TEX11: variants seen among roughly 807,000 people sequenced by gnomAD.
The protein encoded by TEX11 is testis expressed 11.
TEX11 carries 7 observed loss-of-function variants against 84.4 expected under a neutral mutation model. That is an observed-to-expected ratio of 0.08 (90% CI 0.05 to 0.16). TEX11 has a LOEUF of 0.16. TEX11 is among the 10% of genes least tolerant of loss of function. The pLI is 1.00. For synonymous variants in TEX11, 264 were observed against 222.8 expected (o/e 1.18, Z -1.64); for missense variants, 551 against 660.5 (o/e 0.83, Z 1.82).
At chrX:70,544,836 CAA>C (rs140403649) in intron 28 of TEX11, among the ~76,000 whole-genome samples, 48 of 26,390 alleles carry the variant, frequency 1.8e-3, no homozygotes, top group South Asian at 0.012. Context: ...GACTCCATCT[CAA>C]AAAAAAAAAA....
At chrX:70,641,050 T>A (rs901866700) in intron 17 of TEX11, among the ~76,000 whole-genome samples, 1 of 110,004 alleles carries the variant, frequency 9.1e-6, no homozygotes, top group African/African-American at 3.3e-5. Context: ...ACACATAGGC[T>A]CAAAATAAAA....
intron 9 of TEX11, among the ~76,000 whole-genome samples, chrX:70,791,461 A>C (rs906998220): frequency 8.9e-6 from 1 of 112,072 alleles, no homozygotes; most frequent in Non-Finnish European, 1.9e-5. Context: ...AAGGCAGAAA[A>C]CTTATGAGGA....
intron 13 of TEX11, among the ~76,000 whole-genome samples, chrX:70,706,110 A>G (rs1230728025): frequency 7.2e-5 from 8 of 111,636 alleles, no homozygotes; most frequent in Admixed American, 1.9e-4. Context: ...CATATACACC[A>G]TGGAATACTA....
At chrX:70,519,440 C>T in the TEX11 span, among the ~76,000 whole-genome samples, 1 of 111,912 alleles carries the variant, frequency 8.9e-6, no homozygotes, top group African/African-American at 3.2e-5. Context: ...GAATATTGGC[C>T]CCCACTCTCT....
chrX:70,819,492 A>C (rs2091307432), intron 8 of TEX11, among the ~76,000 whole-genome samples: 1 of 111,377 alleles, frequency 9.0e-6, no homozygotes, highest in Non-Finnish European at 1.9e-5. Flanking sequence ...TTGATGGGAA[A>C]AACTGAAAGC....
At chrX:70,901,692 T>C (rs2091804057) in intron 2 of TEX11, among the ~76,000 whole-genome samples, 1 of 111,735 alleles carries the variant, frequency 8.9e-6, no homozygotes, top group Admixed American at 9.6e-5. Context: ...AGGGCTCATC[T>C]CCTGCTGTGC....
At chrX:70,730,045 G>A (rs767260548) in intron 11 of TEX11, among the ~76,000 whole-genome samples, 1 of 111,610 alleles carries the variant, frequency 9.0e-6, no homozygotes, top group South Asian at 3.8e-4. Context: ...CAAATTTCAC[G>A]TCCAGCCAAA....
At chrX:70,603,784 A>T (rs1436361696) in intron 24 of TEX11, among the ~76,000 whole-genome samples, 1 of 110,573 alleles carries the variant, frequency 9.0e-6, no homozygotes, top group African/African-American at 3.3e-5. Flanking sequence ...CATGGGAGAA[A>T]ATTTTCGCAA....
intron 3 of TEX11, among the ~76,000 whole-genome samples, chrX:70,876,487 G>A (rs1162336497): frequency 9.9e-6 from 1 of 101,371 alleles, no homozygotes; most frequent in Non-Finnish European, 2.1e-5. Flanking sequence ...CCTAAGATGT[G>A]GCAGGTTTTG....
rs2091389167 is a variant in TEX11 at position 70,833,551 on chromosome X, G to A, written c.568C>T (p.Leu190=). 8.3e-7 allele frequency: 1 copy of A among 1,206,573 alleles called. No homozygotes were observed. The highest frequency in any genetic ancestry group is 1.1e-6 in the Non-Finnish European group (1 of 893,382). Reference sequence around the variant, plus strand: ...CTCATCAACATATCTTTACATTGCAGTACACACATAGATGCTCTTTGAAAA... The same window carrying A: ...CTCATCAACATATCTTTACATTGCAATACACACATAGATGCTCTTTGAAAA... ...GDFQRASMCV[L]QCKDMLMRLP... The change falls in exon 8 of 30, where the codon CTG becomes TTG. Residue 190 remains leucine (L), a synonymous_variant. Coordinates refer to ENST00000374333, the MANE Select transcript of TEX11 (RefSeq NM_031276.3).
intron 8 of TEX11, among the ~76,000 whole-genome samples, chrX:70,816,201 A>C (rs1446023013): frequency 1.8e-5 from 2 of 111,755 alleles, no homozygotes; most frequent in East Asian, 5.7e-4. Flanking sequence ...TTCCTGAGTT[A>C]CTTCGCTTAG....
intron 7 of TEX11, among the ~76,000 whole-genome samples, chrX:70,837,628 A>G (rs1447715124): frequency 1.1e-5 from 1 of 93,053 alleles, no homozygotes; most frequent in East Asian, 4.1e-4. Context: ...GACGGATCGC[A>G]AAAAAAAAAA....
chrX:70,534,082 C>T (rs1432057928), intron 28 of TEX11, among the ~76,000 whole-genome samples: 1 of 71,199 alleles, frequency 1.4e-5, no homozygotes, highest in Non-Finnish European at 2.5e-5. Context: ...CAGAGCGAGA[C>T]TCCATCTCAA....
At chrX:70,681,718 T>C (rs771746992) in intron 14 of TEX11, among the ~76,000 whole-genome samples, 3 of 110,989 alleles carry the variant, frequency 2.7e-5, no homozygotes, top group Non-Finnish European at 5.7e-5. Context: ...CTTTAAACCT[T>C]TTCTCTATTT....
At position 70,604,593 on chromosome X, in the gene TEX11, G is replaced by C. The variant is rs757148411; in HGVS notation, c.2067+808C>G. Among the ~76,000 whole-genome samples the C allele has an allele frequency of 5.4e-5, 6 of 111,179 alleles. No individual in the cohort carries two copies. In the East Asian group the frequency reaches 1.7e-3, roughly 31 times the overall value. ...GGTGAGAGTTTGTTTCAGATCCAAA[G>C]AACAATATGAAATAAGAGATTAACA... On this transcript the variant is annotated intron_variant, in intron 24 of 29. Coordinates refer to ENST00000374333, the MANE Select transcript of TEX11 (RefSeq NM_031276.3).
intron 13 of TEX11, among the ~76,000 whole-genome samples, chrX:70,700,724 C>T (rs2090319381): frequency 8.9e-6 from 1 of 112,207 alleles, no homozygotes; most frequent in South Asian, 3.7e-4. Flanking sequence ...TGTTGAAAGC[C>T]AAGCTAGGCC....
chrX:70,826,071 C>T (rs185489798), intron 8 of TEX11, among the ~76,000 whole-genome samples: 435 of 106,788 alleles, frequency 4.1e-3, no homozygotes, highest in Non-Finnish European at 6.3e-3. Flanking sequence ...TGGGAGGCCA[C>T]GGTGGGTGGC....
At chrX:70,639,035 G>A (rs1231905401) in intron 17 of TEX11, among the ~76,000 whole-genome samples, 7 of 110,169 alleles carry the variant, frequency 6.4e-5, no homozygotes, top group Non-Finnish European at 3.8e-5. Flanking sequence ...CCAGACAGTG[G>A]GCGCAGGTCA....
intron 2 of TEX11, among the ~76,000 whole-genome samples, chrX:70,897,152 T>TATAC (rs2091770814): frequency 6.6e-5 from 2 of 30,467 alleles, no homozygotes; most frequent in Non-Finnish European, 2.9e-4. Flanking sequence ...ATATATTATA[T>TATAC]ATAACATATA....
Sources: gnomAD v4.1 joint callset for allele counts (sites outside exome capture counted in the v4.1 genomes callset) on GRCh38, gnomAD v4.1.1 for gene constraint, MANE v1.5 for transcripts, NCBI Gene and HGNC (gene_info 2026-07-23, HGNC 2026-07-21) for gene names.